COPB2: variants seen among roughly 807,000 people sequenced by gnomAD.
COPB2 encodes the protein coatomer subunit beta'.
A neutral mutation model predicts 120.8 loss-of-function variants in COPB2; 16 were observed. The ratio of observed to expected loss-of-function variants is 0.13; its 90% confidence interval spans 0.09 to 0.20. COPB2 has a LOEUF of 0.20. Among genes scored for constraint, COPB2 ranks in the 10% least tolerant of loss-of-function variants. The pLI is 1.00. For missense variants in COPB2, 794 were observed against 1,076.5 expected, an observed-to-expected ratio of 0.74 and a Z score of 3.67; for synonymous variants, 332 against 366.3, an observed-to-expected ratio of 0.91 and a Z score of 1.07.
Position 139,373,213 on chromosome 3 carries a change from C to T in COPB2, c.1094G>A (p.Arg365Gln). Residue 365 changes from arginine (R) to glutamine (Q), a missense_variant and splice_region_variant, in exon 9 of 22, where the codon CGG (arginine) becomes CAG (glutamine). Arg to Gln is a conservative substitution (Grantham distance 43). Transcript: ENST00000333188. ...PQTIQHNPNG[R>Q]FVVVCGDGEY... ...AGGGACAATTTTGGTGATGGCTTAC[C>T]GCCCATTAGGATTGTGCTGAATAGT... 1.9e-6 allele frequency: 3 copies of T among 1,613,856 alleles called. No individual in the cohort carries two copies. The highest frequency in any genetic ancestry group is 2.2e-5 in the East Asian group (1 of 44,864).
At chr3:139,368,320 T>C (rs1941558603) in intron 12 of COPB2, 32 bp from the exon 13 acceptor site, 1 of 1,593,592 alleles carries the variant, frequency 6.3e-7, no homozygotes, top group Non-Finnish European at 8.5e-7. Flanking sequence ...GACAACTGAT[T>C]TGGATTTCTG....
chr3:139,373,757 T>G lies in COPB2; in HGVS notation c.803A>C (p.Asn268Thr). 1 of 1,614,122 alleles carries G rather than the reference T, an allele frequency of 6.2e-7. No homozygotes were observed. Among genetic ancestry groups the G allele is most frequent in the Non-Finnish European group, 8.5e-7 (1 of 1,179,992 alleles). Residue 268 changes from asparagine to threonine, a missense_variant, in exon 8 of 22, where the codon AAT (asparagine) becomes ACT (threonine). This residue lies in a region of COPB2 where 610 missense variants were observed against 866.7 expected (regional missense o/e 0.70). Coordinates refer to ENST00000333188, the MANE Select transcript of COPB2 (RefSeq NM_004766.3). ...GCACCATACCCTCTCCATTCCATAA[T>G]TCAGTGTGCTCTCAAGCCGGTAGGT... ...SSTYRLESTL[N>T]YGMERVWCVA...
At chr3:139,359,468 C>G (rs1221164144) in intron 17 of COPB2, 106 bp from the exon 18 acceptor site, 2 of 921,282 alleles carry the variant, frequency 2.2e-6, no homozygotes, top group East Asian at 5.1e-5. Context: ...TCTCCCCAAT[C>G]TTCACACATA....
chr3:139,359,479 T>C (rs1941369298), intron 17 of COPB2, 117 bp from the exon 18 acceptor site: 2 of 828,798 alleles, frequency 2.4e-6, no homozygotes, highest in East Asian at 2.6e-5. Context: ...TTCACACATA[T>C]ATCTCATTTC....
intron 15 of COPB2, among the ~76,000 whole-genome samples, chr3:139,365,781 C>T (rs1189823503): frequency 6.6e-6 from 1 of 152,104 alleles, no homozygotes; most frequent in East Asian, 1.9e-4. Flanking sequence ...CAATTATAAA[C>T]TAGGGAAAAC....
At chr3:139,372,890 C>T (rs1002005721) in intron 9 of COPB2, among the ~76,000 whole-genome samples, 1 of 152,226 alleles carries the variant, frequency 6.6e-6, no homozygotes, top group Admixed American at 6.5e-5. Flanking sequence ...CCTACTAAGT[C>T]TCAGCATAAG....
rs1941529598 is a variant in COPB2, at chr3:139,366,997, A to G, written c.1676+18T>C. ...ACACTTTAAAATTTAGGACAAATGC[A>G]AAATGATACTCAGGTACCTGTCCAA... On this transcript the variant is annotated intron_variant, in intron 14 of 21. Coordinates refer to ENST00000333188, the MANE Select transcript of COPB2 (RefSeq NM_004766.3). 1.3e-6 allele frequency: 2 copies of G among 1,594,200 alleles called. No individual in the cohort carries two copies. Among genetic ancestry groups the G allele is most frequent in the Admixed American group, 1.8e-5 (1 of 55,368 alleles).
chr3:139,378,896 G>A (rs927483343), intron 4 of COPB2, 151 bp downstream of exon 4: 63 of 642,096 alleles, frequency 9.8e-5, no homozygotes, highest in Non-Finnish European at 1.5e-4. Flanking sequence ...AACACAAGCA[G>A]CATCAATAGC....
intron 13 of COPB2, 69 bp downstream of exon 13, chr3:139,368,074 TAA>T (rs548516465): frequency 2.8e-4 from 415 of 1,482,698 alleles, no homozygotes; most frequent in Non-Finnish European, 3.4e-4. Context: ...TTAAAATCAG[TAA>T]AGTCTGTTGT....
At chr3:139,370,753 G>C (rs955731302) in intron 10 of COPB2, among the ~76,000 whole-genome samples, 4 of 152,156 alleles carry the variant, frequency 2.6e-5, no homozygotes, top group African/African-American at 9.7e-5. Flanking sequence ...GTCTTGGCTG[G>C]ATAGAGCTGA....
At chr3:139,363,831 G>T (rs1010188325) in intron 15 of COPB2, among the ~76,000 whole-genome samples, 2 of 152,162 alleles carry the variant, frequency 1.3e-5, no homozygotes, top group African/African-American at 4.8e-5. Flanking sequence ...ATCCATCCAT[G>T]AATACGATGT....
intron 20 of COPB2, 30 bp from the exon 21 acceptor site, chr3:139,358,301 G>A: frequency 1.9e-6 from 3 of 1,575,554 alleles, no homozygotes; most frequent in Non-Finnish European, 2.6e-6. Flanking sequence ...TATATATGAA[G>A]ACAAGGGAAT....
Position 139,362,420 on chromosome 3 carries a change from G to A in COPB2, c.1982C>T (p.Ala661Val). The A allele has an allele frequency of 6.2e-7, 1 of 1,608,954 alleles. No homozygotes were observed. Among genetic ancestry groups the A allele is most frequent in the Non-Finnish European group, 8.5e-7 (1 of 1,177,022 alleles). The change falls in exon 16 of 22, where the codon GCA (alanine) becomes GTA (valine). Residue 661 changes from alanine to valine, a missense_variant. This residue lies in a region of COPB2 where 610 missense variants were observed against 866.7 expected (regional missense o/e 0.70). Transcript: ENST00000333188. ...LGELKIAYQLAVEAESEQKWK... is the reference protein window; with the variant it reads ...LGELKIAYQLVVEAESEQKWK... ...ATTAGTACATACCTCTGCTTCCACT[G>A]CTAACTGGTATGCAATTTTTAACTC...
At chr3:139,371,631 A>C (rs528451462) in intron 10 of COPB2, 92 bp downstream of exon 10, 1 of 1,059,126 alleles carries the variant, frequency 9.4e-7, no homozygotes, top group South Asian at 1.4e-5. Context: ...AACACGGAGA[A>C]TCACAGCCCA....
chr3:139,383,227 T>A lies in COPB2; in HGVS notation c.141+71A>T, dbSNP rs772971080. The stretch of plus-strand genomic sequence containing the variant: ...TAGATTCTGGATTCTGTTATAATAT[T>A]TCTTCTCTTTCATTATAAACACAGT... On this transcript the variant is annotated intron_variant, in intron 2 of 21. Coordinates refer to ENST00000333188, the MANE Select transcript of COPB2 (RefSeq NM_004766.3). 1.6e-5 allele frequency: 25 copies of A among 1,537,308 alleles called. No homozygotes were observed. In the South Asian group the frequency reaches 2.8e-4, roughly 17 times the overall value.
intron 15 of COPB2, among the ~76,000 whole-genome samples, 182 bp from the exon 16 acceptor site, chr3:139,362,699 AAG>A (rs1941447376): frequency 6.6e-6 from 1 of 152,202 alleles, no homozygotes; most frequent in South Asian, 2.1e-4. Context: ...TCATTAAAGG[AAG>A]TGGTAAGAAC....
At chr3:139,363,756 T>C (rs889784868) in intron 15 of COPB2, among the ~76,000 whole-genome samples, 2 of 152,212 alleles carry the variant, frequency 1.3e-5, no homozygotes, top group African/African-American at 4.8e-5. Context: ...ATCTTCAGGA[T>C]GGCTTTATCA....
intron 9 of COPB2, among the ~76,000 whole-genome samples, chr3:139,372,140 G>A (rs1941634667): frequency 6.6e-6 from 1 of 152,192 alleles, no homozygotes; most frequent in Non-Finnish European, 1.5e-5. Context: ...ATGCAAAGGA[G>A]GAGGATTCCA....
rs769042168 is a variant in COPB2 at position 139,358,188 on chromosome 3, T to C, written c.2625+12A>G. ...GGGGTAGAGGGAGGTTTGAGTATGATGTCTGACCTACCTTTTCTTCTTTGT... is the reference window on the plus strand; with the variant it reads ...GGGGTAGAGGGAGGTTTGAGTATGACGTCTGACCTACCTTTTCTTCTTTGT... On this transcript the variant is annotated intron_variant, in intron 21 of 21. Transcript: ENST00000333188. 10 of 1,612,448 alleles carry C rather than the reference T, an allele frequency of 6.2e-6. No homozygotes were observed. Among genetic ancestry groups the C allele is most frequent in the Non-Finnish European group, 8.5e-6 (10 of 1,178,420 alleles).
Sources: gnomAD v4.1 joint callset for allele counts (sites outside exome capture counted in the v4.1 genomes callset) on GRCh38, gnomAD v4.1.1 for gene constraint, gnomAD v4.1.1 regional missense constraint, MANE v1.5 for transcripts, NCBI Gene and HGNC (gene_info 2026-07-23, HGNC 2026-07-21) for gene names.